Variants in RUSC2 observed in about 807,000 individuals in gnomAD.
RUSC2 encodes the protein RUN and SH3 domain containing 2, also known as AP-4 complex accessory subunit RUSC2.
RUSC2 carries 34 observed loss-of-function variants against 122.2 expected under a neutral mutation model. The ratio of observed to expected loss-of-function variants is 0.28; its 90% CI spans 0.21 to 0.37. RUSC2 has a LOEUF of 0.37. RUSC2 is among the 10% of genes least tolerant of loss of function. RUSC2 has a pLI of 1.00. For missense variants in RUSC2, 1,747 were observed against 1,952.4 expected (o/e 0.89, Z 1.98); for synonymous variants, 784 against 790.0 (o/e 0.99, Z 0.13).
At chr9:35,542,026 G>C (rs1437106152) in intron 1 of RUSC2, among the ~76,000 whole-genome samples, 1 of 151,958 alleles carries the variant, frequency 6.6e-6, no homozygotes, top group Non-Finnish European at 1.5e-5. Flanking sequence ...GGATCAGTAA[G>C]ATATGCATAC....
intron 1 of RUSC2, among the ~76,000 whole-genome samples, chr9:35,530,348 C>T (rs185968831): frequency 1.2e-4 from 18 of 152,262 alleles, no homozygotes; most frequent in African/African-American, 4.3e-4. Context: ...ACAGCTCCAC[C>T]ATCTAGAAAT....
intron 1 of RUSC2, among the ~76,000 whole-genome samples, chr9:35,520,263 C>T (rs569261379): frequency 2.0e-4 from 30 of 152,234 alleles, no homozygotes; most frequent in African/African-American, 7.2e-4. Context: ...AGTCTCAGAC[C>T]ATGACTCCTC....
rs182801674 is a variant in RUSC2, at chr9:35,496,050, A to C, written c.-93+5878A>C. 1.1e-3 allele frequency among the ~76,000 whole-genome samples: 160 copies of C among 152,340 alleles called. No homozygotes were observed. In the East Asian group the frequency reaches 0.026, roughly 25 times the overall value. ...AAAATTACACCAAAGCAAAAGAAGCATCAGAGAGTGATGAGCGAGCTAGTA... is the reference window on the plus strand; with the variant it reads ...AAAATTACACCAAAGCAAAAGAAGCCTCAGAGAGTGATGAGCGAGCTAGTA... On this transcript the variant is annotated intron_variant, in intron 1 of 11. Transcript: ENST00000361226.
At chr9:35,533,314 G>C (rs1347532043) in intron 1 of RUSC2, among the ~76,000 whole-genome samples, 1 of 151,632 alleles carries the variant, frequency 6.6e-6, no homozygotes, top group African/African-American at 2.4e-5. Context: ...TCCTTGGATT[G>C]ACATGCAGTG....
intron 2 of RUSC2, among the ~76,000 whole-genome samples, chr9:35,549,863 T>A (rs1381534587): frequency 6.6e-6 from 1 of 152,166 alleles, no homozygotes; most frequent in Non-Finnish European, 1.5e-5. Context: ...TTATATGTTT[T>A]GATTTGCATT....
At position 35,525,355 on chromosome 9, in the gene RUSC2, A is replaced by T. The variant is rs1164957194; in HGVS notation, c.-92-21075A>T. Among the ~76,000 whole-genome samples, 6 of 152,156 alleles carry T rather than the reference A, an allele frequency of 3.9e-5. No individual in the cohort carries two copies. The East Asian group carries it at 1.2e-3, about 29-fold the overall frequency. ...GTTTTCCAGAGTCGAATGCAGTTCC[A>T]CTCAAAGTTCTCCAGAAATAAATCT... On this transcript the variant is annotated intron_variant, in intron 1 of 11. Transcript: ENST00000361226.
chr9:35,560,882 G>A, intron 10 of RUSC2, 31 bp downstream of exon 10: 1 of 1,573,306 alleles, frequency 6.4e-7, no homozygotes, highest in African/African-American at 1.3e-5. Context: ...GGGATGGAGG[G>A]AGTAGGGAGC....
chr9:35,560,492 C>T lies in RUSC2; in HGVS notation c.3852C>T (p.Gly1284=). The change falls in exon 10 of 12, where the codon GGC becomes GGT. Residue 1284 remains glycine (G), a synonymous_variant. Transcript: ENST00000361226. The stretch of plus-strand genomic sequence containing the variant: ...AGAGCTCCCAGGTCTACATCGATGG[C>T]TCCATTGAGGGTTCCAGGTTCCCTC... ...LMQSSQVYID[G]SIEGSRFPRG... The T allele has an allele frequency of 6.2e-7, 1 of 1,614,214 alleles. No homozygotes were observed. Among genetic ancestry groups the T allele is most frequent in the Non-Finnish European group, 8.5e-7 (1 of 1,180,014 alleles).
In RUSC2 at chr9:35,560,081, C is replaced by T. The variant is rs746936921; in HGVS notation, c.3441C>T (p.Thr1147=). ...QPWGFLSAAH[T]VCPGLFEELL... Reference sequence around the variant, plus strand: ...GGGGCTTCCTGAGTGCAGCTCATACCGTGTGTCCCGGCCTCTTTGAAGAGC... The same window carrying T: ...GGGGCTTCCTGAGTGCAGCTCATACTGTGTGTCCCGGCCTCTTTGAAGAGC... Residue 1147 remains threonine (T), a synonymous_variant, in exon 10 of 12, where the codon ACC becomes ACT. Transcript: ENST00000361226. 2.5e-5 allele frequency: 41 copies of T among 1,613,530 alleles called. No individual in the cohort carries two copies. Among genetic ancestry groups the T allele is most frequent in the Middle Eastern group, 1.6e-4 (1 of 6,084 alleles).
Position 35,548,751 on chromosome 9 carries a change from T to A in RUSC2, c.2014+216T>A. Reference sequence around the variant, plus strand: ...GGACTCAAAAATACACTGAGCAGACTGGGTGCAGTGACTCACACCTGTGAT... The same window carrying A: ...GGACTCAAAAATACACTGAGCAGACAGGGTGCAGTGACTCACACCTGTGAT... On this transcript the variant is annotated intron_variant, in intron 2 of 11. Transcript: ENST00000361226. This position sits in a 1 kb window ranked among gnomAD's most constrained non-coding sequence, Gnocchi z 4.5. 2.0e-6 allele frequency: 2 copies of A among 985,196 alleles called. No individual in the cohort carries two copies. Among genetic ancestry groups the A allele is most frequent in the Non-Finnish European group, 2.4e-6 (2 of 829,788 alleles). 61.0% of individuals were successfully genotyped at this position (985,196 alleles called of 1,614,324 possible). A position where few individuals can be genotyped will look rare whatever the true frequency, so the allele number is the denominator to read the frequency against.
chr9:35,552,182 G>A (rs1481985156), intron 2 of RUSC2, among the ~76,000 whole-genome samples: 20 of 151,838 alleles, frequency 1.3e-4, no homozygotes, highest in Admixed American at 1.3e-3. Context: ...CCAACATGGA[G>A]AAACCCCATC....
At chr9:35,518,270 A>G (rs1045195602) in intron 1 of RUSC2, among the ~76,000 whole-genome samples, 8 of 152,186 alleles carry the variant, frequency 5.3e-5, no homozygotes, top group Non-Finnish European at 8.8e-5. Flanking sequence ...ATGATGACCT[A>G]GGATTGCAGG....
In RUSC2 at chr9:35,551,993, G is replaced by GT. The variant is rs568425638; in HGVS notation, c.2015-3064dup. On this transcript the variant is annotated intron_variant, in intron 2 of 11. Coordinates refer to ENST00000361226, the MANE Select transcript of RUSC2 (RefSeq NM_014806.5). ...GCAGGAGGATCGCCTGAGCCCAGGA[G>GT]TTTGAGGCACAGTGAGCTATGATTG... 1.9e-3 allele frequency among the ~76,000 whole-genome samples: 291 copies of GT among 152,248 alleles called. 2 individuals are homozygous for GT. The highest frequency in any genetic ancestry group is 3.2e-3 in the Non-Finnish European group (221 of 68,004).
chr9:35,535,272 C>T (rs1821499358), intron 1 of RUSC2, among the ~76,000 whole-genome samples: 1 of 151,892 alleles, frequency 6.6e-6, no homozygotes, highest in South Asian at 2.1e-4. Context: ...CCCACCACCA[C>T]ACCCCGCTAA....
rs1821984998 is a variant in RUSC2, at chr9:35,555,231, A to C, written c.2186A>C (p.Gln729Pro). The C allele has an allele frequency of 1.2e-6, 2 of 1,612,988 alleles. No homozygotes were observed. Among genetic ancestry groups the C allele is most frequent in the South Asian group, 2.2e-5 (2 of 91,080 alleles). ...AGCCTCTCAGGCTGCAGCCGTACACAGCAGCCTGCCCCACTGGCTGCCCCT... is the reference window on the plus strand; with the variant it reads ...AGCCTCTCAGGCTGCAGCCGTACACCGCAGCCTGCCCCACTGGCTGCCCCT... ...LYSLSGCSRT[Q>P]QPAPLAAPAA... Residue 729 changes from glutamine (Q) to proline (P), a missense_variant, in exon 3 of 12, where the codon CAG (glutamine) becomes CCG (proline). By Grantham distance (76) the Gln-to-Pro change is moderately conservative. Transcript: ENST00000361226. The surrounding 1 kb of genome is among the most constrained non-coding windows in gnomAD (Gnocchi z 4.6).
At chr9:35,552,152 G>A (rs1430453565) in intron 2 of RUSC2, among the ~76,000 whole-genome samples, 1 of 152,128 alleles carries the variant, frequency 6.6e-6, no homozygotes, top group African/African-American at 2.4e-5. Context: ...TTTGAGGCCA[G>A]GAGTTCGAGA....
intron 2 of RUSC2, among the ~76,000 whole-genome samples, chr9:35,552,107 T>G (rs1284090223): frequency 6.6e-6 from 1 of 152,150 alleles, no homozygotes; most frequent in Non-Finnish European, 1.5e-5. Context: ...ATGCCTGTAA[T>G]CCCAGCACTT....
At chr9:35,554,998 G>C (rs549954401) in intron 2 of RUSC2, 62 bp from the exon 3 acceptor site, 1 of 1,588,720 alleles carries the variant, frequency 6.3e-7, no homozygotes, top group Non-Finnish European at 8.5e-7. Context: ...CTGCTTCTGG[G>C]TTTTCTCTCA....
chr9:35,509,992 A>C (rs940649236), intron 1 of RUSC2, among the ~76,000 whole-genome samples: 1 of 152,242 alleles, frequency 6.6e-6, no homozygotes, highest in Non-Finnish European at 1.5e-5. Flanking sequence ...AGAAAGAAAC[A>C]AAAATGAATG....
Sources: allele counts gnomAD v4.1 joint callset (sites outside exome capture counted in the v4.1 genomes callset), GRCh38; gene constraint gnomAD v4.1.1; non-coding constraint Gnocchi (gnomAD v3.1); transcripts MANE v1.5; gene names NCBI Gene and HGNC (gene_info 2026-07-23, HGNC 2026-07-21).